The following PCDHGA7 variants were observed in gnomAD, a reference collection of about 807,000 sequenced individuals.
PCDHGA7 encodes protocadherin gamma-A7.
In PCDHGA7, 44 loss-of-function variants were observed where a neutral mutation model predicts 58.3. That is an observed-to-expected ratio of 0.75 (90% confidence interval 0.59 to 0.97). PCDHGA7 has a LOEUF of 0.97. Ranked by LOEUF, PCDHGA7 falls within the 50% of genes least tolerant of loss-of-function variation. PCDHGA7 has a pLI of 0.00. For synonymous variants in PCDHGA7, 516 were observed against 504.2 expected (o/e 1.02, Z -0.31); for missense variants, 1,266 against 1,188.7 (o/e 1.06, Z -0.96).
chr5:141,417,830 G>C (rs2096166388), intron 1 of PCDHGA7: 1 of 1,527,028 alleles, frequency 6.5e-7, no homozygotes, highest in African/African-American at 1.4e-5. Flanking sequence ...AACTGGAAAA[G>C]CGGGGACCCA....
At chr5:141,387,089 G>A (rs1034064461) in intron 1 of PCDHGA7, among the ~76,000 whole-genome samples, 1 of 152,162 alleles carries the variant, frequency 6.6e-6, no homozygotes, top group Non-Finnish European at 1.5e-5. Flanking sequence ...TGTGATCATC[G>A]AAATGAGAAT....
intron 1 of PCDHGA7, chr5:141,392,736 C>T: frequency 2.8e-6 from 4 of 1,429,672 alleles, no homozygotes; most frequent in Non-Finnish European, 3.7e-6. Context: ...TTGTCATCTC[C>T]ATAGCTGCGG....
At chr5:141,450,676 G>A (rs1174388119) in intron 1 of PCDHGA7, among the ~76,000 whole-genome samples, 5 of 151,796 alleles carry the variant, frequency 3.3e-5, no homozygotes, top group African/African-American at 7.3e-5. Flanking sequence ...TAGTAGAAAC[G>A]GGGTTTTGCC....
At chr5:141,448,139 C>A (rs1486636157) in intron 1 of PCDHGA7, among the ~76,000 whole-genome samples, 1 of 151,884 alleles carries the variant, frequency 6.6e-6, no homozygotes, top group African/African-American at 2.4e-5. Context: ...CCTCACTATA[C>A]CTCAGACTCA....
intron 1 of PCDHGA7, among the ~76,000 whole-genome samples, chr5:141,473,785 A>G (rs1240342191): frequency 6.6e-6 from 1 of 152,226 alleles, no homozygotes; most frequent in Non-Finnish European, 1.5e-5. Context: ...TTAATTCAAG[A>G]GCAGTATGAT....
In PCDHGA7 at chr5:141,410,849, CTTTTTTT is replaced by C. The variant is rs759346998; in HGVS notation, c.2424+25542_2424+25548del. 8.7e-3 allele frequency: 1,205 copies of C among 138,184 alleles called. 49 individuals are homozygous for C. Among genetic ancestry groups the C allele is most frequent in the African/African-American group, 0.064 (1,073 of 16,650 alleles). 8.6% of individuals were successfully genotyped at this position (138,184 alleles called of 1,614,324 possible). ...CAGACTGAAGATATTTTGTCTTTGT[CTTTTTTT>C]TTTTTTTTTTTTTTTGAGATGGAGT... is the stretch of plus-strand genomic sequence containing the variant. On this transcript the variant is annotated intron_variant, in intron 1 of 3. Coordinates refer to ENST00000518325, the MANE Select transcript of PCDHGA7 (RefSeq NM_018920.4).
chr5:141,402,229 A>G (rs1263337414), intron 1 of PCDHGA7, among the ~76,000 whole-genome samples: 4 of 152,110 alleles, frequency 2.6e-5, no homozygotes, highest in Non-Finnish European at 5.9e-5. Context: ...ACGTTTTTCC[A>G]GGAATTTTAT....
At chr5:141,458,103 T>TA (rs1401283935) in intron 1 of PCDHGA7, among the ~76,000 whole-genome samples, 2 of 152,212 alleles carry the variant, frequency 1.3e-5, no homozygotes, top group Non-Finnish European at 2.9e-5. Context: ...TACTTACAGA[T>TA]AGTCTCCAAA....
intron 1 of PCDHGA7, chr5:141,413,647 C>T (rs1371772412): frequency 1.2e-6 from 2 of 1,613,880 alleles, no homozygotes; most frequent in Non-Finnish European, 1.7e-6. Context: ...GCGTTTTCCT[C>T]TCCCGGAAGC....
intron 1 of PCDHGA7, among the ~76,000 whole-genome samples, chr5:141,407,609 TG>T (rs2094960291): frequency 1.3e-5 from 2 of 152,162 alleles, no homozygotes; most frequent in Admixed American, 1.3e-4. Flanking sequence ...AAAGAAGCAT[TG>T]GTTGACATTC....
chr5:141,394,472 G>C, intron 1 of PCDHGA7: 2 of 1,614,242 alleles, frequency 1.2e-6, no homozygotes, highest in East Asian at 2.2e-5. Flanking sequence ...TGTTCGTGCT[G>C]GACCAGAATG....
intron 1 of PCDHGA7, among the ~76,000 whole-genome samples, chr5:141,482,188 G>C (rs1178289472): frequency 2.6e-5 from 4 of 152,122 alleles, no homozygotes; most frequent in African/African-American, 9.7e-5. Context: ...CGATGCTCCA[G>C]TTCTAGTAAA....
intron 2 of PCDHGA7, among the ~76,000 whole-genome samples, chr5:141,501,984 G>A (rs989251578): frequency 2.0e-5 from 3 of 152,042 alleles, no homozygotes; most frequent in African/African-American, 4.8e-5. Context: ...ATCTGGTCCC[G>A]TTGTCTCCCT....
In PCDHGA7 at chr5:141,490,363, C is replaced by T. The variant is rs779932482; in HGVS notation, c.2425-4444C>T. 10 of 1,614,036 alleles carry T rather than the reference C, an allele frequency of 6.2e-6. No individual in the cohort carries two copies. The highest frequency in any genetic ancestry group is 1.3e-5 in the African/African-American group (1 of 74,904). The stretch of plus-strand genomic sequence containing the variant: ...CACAGTAGTGGGGTTGTTTAATGTG[C>T]GAGACCGGGACTCAGGTAGAAATGG... On this transcript the variant is annotated intron_variant, in intron 1 of 3. Coordinates refer to ENST00000518325, the MANE Select transcript of PCDHGA7 (RefSeq NM_018920.4). The surrounding 1 kb of genome is among the most constrained non-coding windows in gnomAD (Gnocchi z 5.4).
At position 141,431,942 on chromosome 5, in the gene PCDHGA7, G is replaced by A. The variant is rs1284808063; in HGVS notation, c.2424+46619G>A. 6.2e-7 allele frequency: 1 copy of A among 1,614,116 alleles called. No homozygotes were observed. The highest frequency in any genetic ancestry group is 2.2e-5 in the East Asian group (1 of 44,884). ...CCAAGGAAATCTGCCCTTTAAATTA[G>A]AAAAATCTTACGGAAATTACTATAG... On this transcript the variant is annotated intron_variant, in intron 1 of 3. Transcript: ENST00000518325. The surrounding 1 kb of genome is among the most constrained non-coding windows in gnomAD (Gnocchi z 4.8).
intron 1 of PCDHGA7, chr5:141,394,434 C>A (rs985055027): frequency 6.2e-7 from 1 of 1,614,248 alleles, no homozygotes; most frequent in East Asian, 2.2e-5. Flanking sequence ...CGGGGACCCG[C>A]CCCTCAGCAG....
Position 141,382,969 on chromosome 5 carries a change from TG to T in PCDHGA7, c.73del (p.Glu25LysfsTer53), listed in dbSNP as rs1561593500. ...GCTCTCCATCCTCCTGGGGACCCCC[TG>T]GGAAGCCTGGGCAGGACGTATTCTC... ...FLLSILLGTP[W>X]EAWAGRILYS... On this transcript the variant is annotated frameshift_variant, in exon 1 of 4. Transcript: ENST00000518325. LOFTEE classifies it high-confidence loss of function. The T allele has an allele frequency of 9.9e-6, 16 of 1,609,418 alleles. No homozygotes were observed. The highest frequency in any genetic ancestry group is 1.4e-5 in the Non-Finnish European group (16 of 1,176,700).
chr5:141,390,437 T>C (rs1182289355), intron 1 of PCDHGA7: 42 of 933,186 alleles, frequency 4.5e-5, no homozygotes, highest in Non-Finnish European at 6.5e-5. Flanking sequence ...CATATCATTC[T>C]ACAAAGGAGG....
Position 141,490,122 on chromosome 5 carries a change from C to T in PCDHGA7, c.2425-4685C>T. 3 of 1,614,260 alleles carry T rather than the reference C, an allele frequency of 1.9e-6. No homozygotes were observed. The highest frequency in any genetic ancestry group is 2.5e-6 in the Non-Finnish European group (3 of 1,180,046). On this transcript the variant is annotated intron_variant, in intron 1 of 3. Coordinates refer to ENST00000518325, the MANE Select transcript of PCDHGA7 (RefSeq NM_018920.4). The surrounding 1 kb of genome is among the most constrained non-coding windows in gnomAD (Gnocchi z 5.4). ...CTGAGGCAGTGCGGAACCTCTTTGG[C>T]CTAGACCCTAGCAGTGGGGCAATCC... is the stretch of plus-strand genomic sequence containing the variant.
Sources: gnomAD v4.1 joint callset for allele counts (sites outside exome capture counted in the v4.1 genomes callset) on GRCh38, gnomAD v4.1.1 for gene constraint, Gnocchi (gnomAD v3.1) non-coding constraint, MANE v1.5 for transcripts, NCBI Gene and HGNC (gene_info 2026-07-23, HGNC 2026-07-21) for gene names.